The following ASAP3 variants were observed in gnomAD, a reference collection of about 807,000 sequenced individuals.
The protein encoded by ASAP3 is arf-GAP with SH3 domain, ANK repeat and PH domain-containing protein 3.
In ASAP3, 85 loss-of-function variants were observed where a neutral mutation model predicts 118.2. The observed-to-expected ratio is 0.72, with a 90% CI of 0.60 to 0.86. The LOEUF is 0.86. ASAP3 is among the 40% of genes least tolerant of loss of function. The probability of loss-of-function intolerance (pLI) is 0.00; values close to 1 mark genes in which losing one functional copy is unlikely to be tolerated. For synonymous variants in ASAP3, 432 were observed against 477.4 expected (o/e 0.90, Z 1.24); for missense variants, 1,026 against 1,175.0 (o/e 0.87, Z 1.85).
At position 23,441,221 on chromosome 1, in the gene ASAP3, G is replaced by A. The variant is rs766961930; in HGVS notation, c.835-10C>T. 1.5e-5 allele frequency: 24 copies of A among 1,613,882 alleles called. No homozygotes were observed. Among genetic ancestry groups the A allele is most frequent in the Admixed American group, 5.0e-5 (3 of 59,998 alleles). ...TCCGGCTCAGGTGTTCCTGTCCCTC[G>A]GACATGCAAAGGAGACCTCAGGGCA... On this transcript the variant is annotated splice_polypyrimidine_tract_variant and intron_variant, in intron 9 of 24. Coordinates refer to ENST00000336689, the MANE Select transcript of ASAP3 (RefSeq NM_017707.4).
At chr1:23,447,887 TC>T (rs1457173028) in intron 5 of ASAP3, among the ~76,000 whole-genome samples, 1 of 152,210 alleles carries the variant, frequency 6.6e-6, no homozygotes, top group Admixed American at 6.5e-5. Flanking sequence ...TTATCACAGT[TC>T]TGTCCCTCAG....
At chr1:23,468,466 G>A (rs376625724) in intron 1 of ASAP3, among the ~76,000 whole-genome samples, 2 of 152,086 alleles carry the variant, frequency 1.3e-5, no homozygotes, top group African/African-American at 2.4e-5. Flanking sequence ...AAACTCCAAC[G>A]CTAAAAAGGA....
intron 24 of ASAP3, among the ~76,000 whole-genome samples, chr1:23,430,610 G>A (rs1640390602): frequency 6.6e-6 from 1 of 152,200 alleles, no homozygotes; most frequent in South Asian, 2.1e-4. Flanking sequence ...CTGCAGGGAA[G>A]TGATGCCTTC....
In ASAP3 at chr1:23,436,051, C is replaced by T. The variant is rs376564672; in HGVS notation, c.1572-23G>A. 2.5e-6 allele frequency: 4 copies of T among 1,613,338 alleles called. No individual in the cohort carries two copies. The African/African-American group carries it at 5.3e-5, about 22-fold the overall frequency. The stretch of plus-strand genomic sequence containing the variant: ...CCCCTACCAAAAACAACCACAGGAT[C>T]TCAGAGCATGGACCGTGTCTGCCCA... On this transcript the variant is annotated intron_variant, in intron 16 of 24. Coordinates refer to ENST00000336689, the MANE Select transcript of ASAP3 (RefSeq NM_017707.4). The surrounding 1 kb of genome is among the most constrained non-coding windows in gnomAD (Gnocchi z 4.2).
chr1:23,436,210 G>A lies in ASAP3; in HGVS notation c.1572-182C>T, dbSNP rs986330558. 1.3e-5 allele frequency among the ~76,000 whole-genome samples: 2 copies of A among 152,160 alleles called. No individual in the cohort carries two copies. The highest frequency in any genetic ancestry group is 6.5e-5 in the Admixed American group (1 of 15,288). On this transcript the variant is annotated intron_variant, in intron 16 of 24. Coordinates refer to ENST00000336689, the MANE Select transcript of ASAP3 (RefSeq NM_017707.4). This position sits in a 1 kb window ranked among gnomAD's most constrained non-coding sequence, Gnocchi z 4.2. ...GACAGTCTCACTCTATTGCCCAGGA[G>A]GGAGTGCAGTGGCGCAATCTCGTTT... is the stretch of plus-strand genomic sequence containing the variant.
chr1:23,466,110 C>T (rs921074260), intron 1 of ASAP3, among the ~76,000 whole-genome samples: 2 of 152,176 alleles, frequency 1.3e-5, no homozygotes, highest in Non-Finnish European at 2.9e-5. Flanking sequence ...TTTGTTCAGG[C>T]TGGCCTCAGA....
At position 23,436,426 on chromosome 1, in the gene ASAP3, G is replaced by A. The variant is rs549089708; in HGVS notation, c.1571+134C>T. On this transcript the variant is annotated intron_variant, in intron 16 of 24. Coordinates refer to ENST00000336689, the MANE Select transcript of ASAP3 (RefSeq NM_017707.4). This position sits in a 1 kb window ranked among gnomAD's most constrained non-coding sequence, Gnocchi z 4.2. ...GATCCGCCCGCCTTGGCCTCCCAAA[G>A]TGCTGGGATTACAGGCGTGAGCCAC... 266 of 971,152 alleles carry A rather than the reference G, an allele frequency of 2.7e-4. No homozygotes were observed. Among genetic ancestry groups the A allele is most frequent in the Non-Finnish European group, 3.9e-4 (254 of 652,438 alleles). The allele number at this position is 971,152 out of a possible 1,614,324, so 60.2% of individuals were successfully genotyped here. A position where few individuals can be genotyped will look rare whatever the true frequency, so the allele number is the denominator to read the frequency against.
Position 23,435,894 on chromosome 1 carries a change from T to C in ASAP3, c.1706A>G (p.Asn569Ser). Residue 569 changes from asparagine (N) to serine (S), a missense_variant, in exon 17 of 25, where the codon AAT becomes AGT. Transcript: ENST00000336689. ...CAGCGGCTGTCCAAAGTCCTGCCCA[T>C]TGGCAAAGGCCTCCAGTACCGACAG... Reference protein sequence around the residue: ...DLLSVLEAFANGQDFGQPLPG... With the variant: ...DLLSVLEAFASGQDFGQPLPG... 1.2e-6 allele frequency: 2 copies of C among 1,614,282 alleles called. No homozygotes were observed. Among genetic ancestry groups the C allele is most frequent in the Non-Finnish European group, 1.7e-6 (2 of 1,180,060 alleles).
chr1:23,481,175 A>C (rs528486697), intron 1 of ASAP3, among the ~76,000 whole-genome samples: 3 of 152,208 alleles, frequency 2.0e-5, no homozygotes, highest in East Asian at 3.9e-4. Context: ...GCTGGTCTCT[A>C]TCTTAAAAGG....
At chr1:23,441,253 T>A (rs1462210303) in intron 9 of ASAP3, 42 bp from the exon 10 acceptor site, 1 of 1,610,792 alleles carries the variant, frequency 6.2e-7, no homozygotes. Context: ...GGCATCTCAG[T>A]GGGAAGAGCC....
At chr1:23,440,849 C>CT (rs1183580224) in intron 10 of ASAP3, among the ~76,000 whole-genome samples, 1 of 102,580 alleles carries the variant, frequency 9.7e-6, no homozygotes, top group Non-Finnish European at 2.0e-5. Flanking sequence ...GAGTGAGACT[C>CT]TATCTCAAAA....
rs1640495601 is a variant in ASAP3, at chr1:23,433,064, C to G, written c.2323+13G>C. ...ATGGCATGGTGAGCATTTATCTGGG[C>G]ATCCAACTGTACCTCCACTGGCATG... is the stretch of plus-strand genomic sequence containing the variant. On this transcript the variant is annotated intron_variant, in intron 22 of 24. Coordinates refer to ENST00000336689, the MANE Select transcript of ASAP3 (RefSeq NM_017707.4). 2 of 1,612,736 alleles carry G rather than the reference C, an allele frequency of 1.2e-6. No individual in the cohort carries two copies.
intron 5 of ASAP3, among the ~76,000 whole-genome samples, chr1:23,443,107 G>T (rs892031987): frequency 6.6e-6 from 1 of 152,166 alleles, no homozygotes; most frequent in African/African-American, 2.4e-5. Context: ...TTATTCAGGG[G>T]GATGAAGGAC....
chr1:23,431,123 G>A lies in ASAP3; in HGVS notation c.2549C>T (p.Ser850Phe), dbSNP rs1176257638. 1.3e-6 allele frequency: 2 copies of A among 1,583,828 alleles called. No individual in the cohort carries two copies. Among genetic ancestry groups the A allele is most frequent in the South Asian group, 2.3e-5 (2 of 86,328 alleles). The part of the protein sequence containing the change: ...SEMYLPVRFS[S>F]ESTRSYRRGA... ...CCGCCGATAGGAGCGAGTGCTCTCG[G>A]AGCTGGAAGGCAGGGAAAGGCCAAC... The change falls in exon 24 of 25, where the codon TCC becomes TTC. Residue 850 changes from serine to phenylalanine, a missense_variant and splice_region_variant. Coordinates refer to ENST00000336689, the MANE Select transcript of ASAP3 (RefSeq NM_017707.4).
In ASAP3 at chr1:23,484,176, C is replaced by G. The variant is rs377437701; in HGVS notation, c.-43G>C. On this transcript the variant is annotated 5_prime_UTR_variant, in exon 1 of 25. Coordinates refer to ENST00000336689, the MANE Select transcript of ASAP3 (RefSeq NM_017707.4). ...AGCTGCCGGAGCGGGGCGCGGGGGGCACTGAGCTGCTCCGCGCTGAGCCGG... is the reference window on the plus strand; with the variant it reads ...AGCTGCCGGAGCGGGGCGCGGGGGGGACTGAGCTGCTCCGCGCTGAGCCGG... 8.7e-5 allele frequency: 108 copies of G among 1,238,812 alleles called. No individual in the cohort carries two copies. The highest frequency in any genetic ancestry group is 6.3e-4 in the Middle Eastern group (2 of 3,190). The allele number at this position is 1,238,812 out of a possible 1,614,324, so 76.7% of individuals were successfully genotyped here.
rs557546318 is a variant in ASAP3 at position 23,445,500 on chromosome 1, A to T, written c.474-2888T>A. 3.3e-5 allele frequency among the ~76,000 whole-genome samples: 5 copies of T among 152,024 alleles called. No individual in the cohort carries two copies. In the East Asian group the frequency reaches 9.8e-4, roughly 30 times the overall value. ...AGCAAGACCCTGTCTCTCCAAAAAAAAAAAGGAATGAGGGAGACCAAGTGA... is the reference window on the plus strand; with the variant it reads ...AGCAAGACCCTGTCTCTCCAAAAAATAAAAGGAATGAGGGAGACCAAGTGA... On this transcript the variant is annotated intron_variant, in intron 5 of 24. Coordinates refer to ENST00000336689, the MANE Select transcript of ASAP3 (RefSeq NM_017707.4).
intron 5 of ASAP3, among the ~76,000 whole-genome samples, chr1:23,445,139 G>A (rs75482344): frequency 0.011 from 1,701 of 152,182 alleles, 36 homozygotes; most frequent in African/African-American, 0.038. Flanking sequence ...GCAGCAGAGA[G>A]GGGAGGTGAT....
At chr1:23,464,659 TAAAAAAAAAAAAAA>T (rs57655847) in intron 1 of ASAP3, among the ~76,000 whole-genome samples, 51 of 47,096 alleles carry the variant, frequency 1.1e-3, no homozygotes, top group Admixed American at 3.5e-3. Context: ...GACACTGTCT[TAAAAAAAAAAAAAA>T]AAAAAAAAAA....
chr1:23,469,809 C>T (rs907383379), intron 1 of ASAP3, among the ~76,000 whole-genome samples: 2 of 152,202 alleles, frequency 1.3e-5, no homozygotes, highest in African/African-American at 4.8e-5. Context: ...GCAGTTTGCT[C>T]AAGGTCATGT....
Sources: allele counts gnomAD v4.1 joint callset (sites outside exome capture counted in the v4.1 genomes callset), GRCh38; gene constraint gnomAD v4.1.1; non-coding constraint Gnocchi (gnomAD v3.1); transcripts MANE v1.5; gene names NCBI Gene and HGNC (gene_info 2026-07-23, HGNC 2026-07-21).